The following WDFY3 variants were observed in gnomAD, a reference collection of about 807,000 sequenced individuals.
The protein encoded by WDFY3 is WD repeat and FYVE domain-containing protein 3.
Under a neutral mutation model 409.6 loss-of-function variants are expected in WDFY3, and 66 were observed. The ratio of observed to expected loss-of-function variants is 0.16; its 90% CI spans 0.13 to 0.20. The LOEUF (loss-of-function observed/expected upper bound fraction) is 0.20. WDFY3 is among the 10% of genes least tolerant of loss of function. The pLI is 1.00. For missense variants in WDFY3, 3,031 were observed against 4,298.1 expected (o/e 0.71, Z 8.24); for synonymous variants, 1,521 against 1,537.1 (o/e 0.99, Z 0.25).
chr4:84,869,216 A>G (rs1761846749), intron 3 of WDFY3, among the ~76,000 whole-genome samples: 1 of 152,178 alleles, frequency 6.6e-6, no homozygotes, highest in African/African-American at 2.4e-5. Flanking sequence ...CTGACATCTC[A>G]AATTCCAAAA....
At position 84,794,975 on chromosome 4, in the gene WDFY3, G is replaced by T. The variant is rs144442290; in HGVS notation, c.3172C>A (p.Leu1058Ile). The T allele has an allele frequency of 1.5e-5, 23 of 1,547,574 alleles. No individual in the cohort carries two copies. The highest frequency in any genetic ancestry group is 2.0e-5 in the Non-Finnish European group (23 of 1,153,280). ...FDTSLEGFGC[L>I]FLPSLAPHNA... ...TGAGGGGCCAAACTGGGCAAAAAAA[G>T]ACATCTATTAAAGAAAAGACAACAT... Residue 1058 changes from leucine (L) to isoleucine (I), a missense_variant, in exon 20 of 68, where the codon CTT becomes ATT. By Grantham distance (5) the Leu-to-Ile change is conservative. Transcript: ENST00000295888.
At chr4:84,923,736 T>A (rs901428091) in intron 2 of WDFY3, among the ~76,000 whole-genome samples, 3 of 152,182 alleles carry the variant, frequency 2.0e-5, no homozygotes, top group Non-Finnish European at 2.9e-5. Flanking sequence ...TGATGGCTCA[T>A]GCCTGTAATC....
chr4:84,756,844 G>T, intron 33 of WDFY3, 82 bp downstream of exon 33: 1 of 1,342,916 alleles, frequency 7.4e-7, no homozygotes, highest in African/African-American at 1.5e-5. Flanking sequence ...ATTGACAGTT[G>T]GTTTTACAGT....
At chr4:84,876,822 T>A (rs1762849213) in intron 3 of WDFY3, among the ~76,000 whole-genome samples, 1 of 152,218 alleles carries the variant, frequency 6.6e-6, no homozygotes, top group Admixed American at 6.5e-5. Flanking sequence ...AAAAAATGTT[T>A]AAGCTTACAA....
At chr4:84,693,895 CAA>C (rs35165784) in intron 58 of WDFY3, among the ~76,000 whole-genome samples, 882 of 79,986 alleles carry the variant, frequency 0.011, 7 homozygotes, top group African/African-American at 0.03. Context: ...GACTCCGTCT[CAA>C]AAAAAAAAAA....
intron 51 of WDFY3, among the ~76,000 whole-genome samples, chr4:84,710,680 T>C (rs1732732422): frequency 6.6e-6 from 1 of 152,222 alleles, no homozygotes; most frequent in Admixed American, 6.5e-5. Context: ...AATGGAAGAT[T>C]AAAGTTGGAA....
At position 84,750,175 on chromosome 4, in the gene WDFY3, T is replaced by C. The variant is rs556511731; in HGVS notation, c.5973+1308A>G. Among the ~76,000 whole-genome samples the C allele has an allele frequency of 3.9e-5, 6 of 152,302 alleles. No homozygotes were observed. In the South Asian group the frequency reaches 1.0e-3, roughly 26 times the overall value. Reference sequence around the variant, plus strand: ...TAAAATGCTTCAAATTTTTACCCTATACAGTAAGATACTGGTCATCTCTCT... The same window carrying C: ...TAAAATGCTTCAAATTTTTACCCTACACAGTAAGATACTGGTCATCTCTCT... On this transcript the variant is annotated intron_variant, in intron 36 of 67. Transcript: ENST00000295888.
At chr4:84,823,907 C>CT (rs2149844382) in intron 10 of WDFY3, among the ~76,000 whole-genome samples, 1 of 152,242 alleles carries the variant, frequency 6.6e-6, no homozygotes, top group East Asian at 1.9e-4. Context: ...TGATCTAGCA[C>CT]TTTAACTACT....
chr4:84,745,502 G>A (rs1283882058), intron 36 of WDFY3, among the ~76,000 whole-genome samples: 1 of 152,078 alleles, frequency 6.6e-6, no homozygotes, highest in East Asian at 1.9e-4. Context: ...TAAGAAAGTA[G>A]CTAGAATAAA....
At chr4:84,740,469 G>C in intron 38 of WDFY3, 53 bp from the exon 39 acceptor site, 2 of 1,560,866 alleles carry the variant, frequency 1.3e-6, no homozygotes, top group Admixed American at 1.7e-5. Context: ...TAAAACACCT[G>C]TTAATCATTC....
rs1363181930 is a variant in WDFY3 at position 84,718,586 on chromosome 4, C to A, written c.7606-16G>T. On this transcript the variant is annotated splice_polypyrimidine_tract_variant and intron_variant, in intron 47 of 67. Transcript: ENST00000295888. Reference sequence around the variant, plus strand: ...TGTGTTGGATCTATAAAGAAGCCCACAAACATTCATTAATATAGGCTTTTT... The same window carrying A: ...TGTGTTGGATCTATAAAGAAGCCCAAAAACATTCATTAATATAGGCTTTTT... The A allele has an allele frequency of 4.4e-6, 7 of 1,601,902 alleles. No individual in the cohort carries two copies. Among genetic ancestry groups the A allele is most frequent in the Non-Finnish European group, 6.0e-6 (7 of 1,175,458 alleles).
chr4:84,908,500 T>C (rs1465395811), intron 2 of WDFY3, among the ~76,000 whole-genome samples: 1 of 152,138 alleles, frequency 6.6e-6, no homozygotes, highest in Non-Finnish European at 1.5e-5. Flanking sequence ...ATTCTGAAAG[T>C]GGAAATGAAT....
chr4:84,835,568 G>A (rs914227032), intron 7 of WDFY3, among the ~76,000 whole-genome samples: 10 of 152,208 alleles, frequency 6.6e-5, no homozygotes, highest in Non-Finnish European at 1.2e-4. Flanking sequence ...AACAGATCAA[G>A]TGTTCAATAA....
intron 15 of WDFY3, among the ~76,000 whole-genome samples, chr4:84,805,226 AAT>A (rs1578602134): frequency 6.6e-6 from 1 of 152,168 alleles, no homozygotes; most frequent in Non-Finnish European, 1.5e-5. Context: ...ATATATTGCA[AAT>A]ATTACAAAAT....
intron 1 of WDFY3, among the ~76,000 whole-genome samples, chr4:84,950,839 C>T (rs938889741): frequency 6.6e-6 from 1 of 152,150 alleles, no homozygotes; most frequent in African/African-American, 2.4e-5. Flanking sequence ...AATAAACACA[C>T]TGAATGAAAA....
chr4:84,946,300 G>A (rs751557944), intron 1 of WDFY3, among the ~76,000 whole-genome samples: 10 of 152,128 alleles, frequency 6.6e-5, no homozygotes, highest in Non-Finnish European at 1.3e-4. Flanking sequence ...AATAGTCACT[G>A]GTGTGTGATA....
Position 84,826,872 on chromosome 4 carries a change from T to G in WDFY3, c.1066A>C (p.Thr356Pro). The G allele has an allele frequency of 6.2e-7, 1 of 1,610,506 alleles. No homozygotes were observed. Reference sequence around the variant, plus strand: ...GGCAATAAAAAGGGTGCCCCTGTGGTAATACCAGCTGGTTTTAGTTCACTG... The same window carrying G: ...GGCAATAAAAAGGGTGCCCCTGTGGGAATACCAGCTGGTTTTAGTTCACTG... The part of the protein sequence containing the change: ...GVSELKPAGI[T>P]TGAPFLLPGF... Residue 356 changes from threonine to proline, a missense_variant, in exon 10 of 68, where the codon ACC becomes CCC. Around this residue, in one of 16 missense-constraint regions of WDFY3, gnomAD observed 1,322 missense variants for 1,697.9 expected, o/e 0.78. Transcript: ENST00000295888.
At chr4:84,913,470 A>T (rs1768053887) in intron 2 of WDFY3, among the ~76,000 whole-genome samples, 1 of 152,194 alleles carries the variant, frequency 6.6e-6, no homozygotes, top group Non-Finnish European at 1.5e-5. Flanking sequence ...AGGGTTTCAA[A>T]ATATGGATCT....
At position 84,801,525 on chromosome 4, in the gene WDFY3, T is replaced by A. The variant is rs1196807832; in HGVS notation, c.2822+125A>T. The A allele has an allele frequency of 3.2e-6, 3 of 938,562 alleles. No homozygotes were observed. The African/African-American group carries it at 5.0e-5, about 16-fold the overall frequency. 58.1% of individuals were successfully genotyped at this position (938,562 alleles called of 1,614,324 possible). ...GCCATATTTTGAGTATTTTGTCCAT[T>A]TTTGTTATATTTTGCCCATAGATAA... On this transcript the variant is annotated intron_variant, in intron 17 of 67. Coordinates refer to ENST00000295888, the MANE Select transcript of WDFY3 (RefSeq NM_014991.6).
Sources: gnomAD v4.1 joint callset for allele counts (sites outside exome capture counted in the v4.1 genomes callset) on GRCh38, gnomAD v4.1.1 for gene constraint, gnomAD v4.1.1 regional missense constraint, MANE v1.5 for transcripts, NCBI Gene and HGNC (gene_info 2026-07-23, HGNC 2026-07-21) for gene names.